SATB1: variants seen among roughly 807,000 people sequenced by gnomAD.
The protein encoded by SATB1 is SATB homeobox 1.
A neutral mutation model predicts 86.9 loss-of-function variants in SATB1; 11 were observed. The ratio of observed to expected loss-of-function variants is 0.13; its 90% CI spans 0.08 to 0.21. The LOEUF (loss-of-function observed/expected upper bound fraction) is 0.21. SATB1 is among the 10% of genes least tolerant of loss of function. The probability of loss-of-function intolerance (pLI) is 1.00; values close to 1 mark genes in which losing one functional copy is unlikely to be tolerated. For missense variants in SATB1, 551 were observed against 937.6 expected (o/e 0.59, Z 5.39); for synonymous variants, 357 against 357.2 (o/e 1.00, Z 0.01).
chr3:18,361,177 C>G (rs1455408661), intron 9 of SATB1, among the ~76,000 whole-genome samples: 3 of 152,120 alleles, frequency 2.0e-5, no homozygotes, highest in South Asian at 2.1e-4. Flanking sequence ...CTTTTAAGAT[C>G]TATTTGTTAA....
chr3:18,422,014 A>G (rs968305180), intron 1 of SATB1, among the ~76,000 whole-genome samples: 3 of 152,158 alleles, frequency 2.0e-5, no homozygotes, highest in Non-Finnish European at 2.9e-5. Context: ...CCCATCATTT[A>G]TAGTAAAGTG....
Position 18,352,401 on chromosome 3 carries a change from G to T in SATB1, c.1576-206C>A. 1.9e-6 allele frequency: 1 copy of T among 539,490 alleles called. No homozygotes were observed. Among genetic ancestry groups the T allele is most frequent in the Admixed American group, 3.1e-5 (1 of 32,276 alleles). 33.4% of individuals were successfully genotyped at this position (539,490 alleles called of 1,614,324 possible). ...AGACTCTGTTTCTAATCAAAGTTCAGATTTGCATCTCAAAGGAGGGACATA... is the reference window on the plus strand; with the variant it reads ...AGACTCTGTTTCTAATCAAAGTTCATATTTGCATCTCAAAGGAGGGACATA... On this transcript the variant is annotated intron_variant, in intron 9 of 10. Coordinates refer to ENST00000338745, the MANE Select transcript of SATB1 (RefSeq NM_002971.6). This position sits in a 1 kb window ranked among gnomAD's most constrained non-coding sequence, Gnocchi z 4.1.
At chr3:18,404,668 G>A (rs1246518205) in intron 5 of SATB1, among the ~76,000 whole-genome samples, 2 of 151,964 alleles carry the variant, frequency 1.3e-5, no homozygotes, top group Non-Finnish European at 2.9e-5. Flanking sequence ...TTGGTTCACA[G>A]TTTATATGGC....
At chr3:18,406,268 C>T (rs1697526470) in intron 5 of SATB1, among the ~76,000 whole-genome samples, 1 of 151,910 alleles carries the variant, frequency 6.6e-6, no homozygotes, top group Non-Finnish European at 1.5e-5. Flanking sequence ...TCTCTTATGC[C>T]AAATGTAGAC....
At chr3:18,364,742 C>A (rs1575094356) in intron 9 of SATB1, among the ~76,000 whole-genome samples, 1 of 151,860 alleles carries the variant, frequency 6.6e-6, no homozygotes, top group African/African-American at 2.4e-5. Context: ...CACACACACA[C>A]ACGTACGTAT....
At chr3:18,399,799 G>T (rs1369799487) in intron 5 of SATB1, among the ~76,000 whole-genome samples, 1 of 152,106 alleles carries the variant, frequency 6.6e-6, no homozygotes, top group Non-Finnish European at 1.5e-5. Flanking sequence ...GCTTTTGGGT[G>T]ACTGGGAAAT....
intron 5 of SATB1, among the ~76,000 whole-genome samples, chr3:18,401,600 C>T (rs1255854827): frequency 3.9e-5 from 6 of 151,988 alleles, no homozygotes; most frequent in East Asian, 3.9e-4. Context: ...ATAAACCAAC[C>T]GACAAAACTC....
rs1490631039 is a variant in SATB1, at chr3:18,403,734, C to T, written c.640-6444G>A. On this transcript the variant is annotated intron_variant, in intron 5 of 10. Transcript: ENST00000338745. ...TAATTTTCAGGGATGGAACACTAAT[C>T]TTGACAGTAACCTTTTTATGTATTG... is the stretch of plus-strand genomic sequence containing the variant. Among the ~76,000 whole-genome samples, 3 of 152,102 alleles carry T rather than the reference C, an allele frequency of 2.0e-5. No homozygotes were observed. In the East Asian group the frequency reaches 5.8e-4, roughly 29 times the overall value.
At chr3:18,397,789 C>G (rs770043465) in intron 5 of SATB1, among the ~76,000 whole-genome samples, 1 of 152,162 alleles carries the variant, frequency 6.6e-6, no homozygotes, top group Admixed American at 6.5e-5. Context: ...CACTTAGCAG[C>G]TGAATTTTAC....
At position 18,444,665 on chromosome 3, in the gene SATB1, G is replaced by T. The variant is rs1395925401; in HGVS notation, c.-25+853C>A. ...CGAGTGCGGGCCTGAAACCAAGAAC[G>T]GCTCCCCGGGCGGGCGCGCCGGCGT... On this transcript the variant is annotated intron_variant, in intron 1 of 3. Transcript: ENST00000415069. The surrounding 1 kb of genome is among the most constrained non-coding windows in gnomAD (Gnocchi z 5.1). The T allele has an allele frequency of 6.1e-6, 6 of 984,082 alleles. No individual in the cohort carries two copies. Among genetic ancestry groups the T allele is most frequent in the South Asian group, 4.7e-5 (1 of 21,254 alleles). 61.0% of individuals were successfully genotyped at this position (984,082 alleles called of 1,614,324 possible). A position where few individuals can be genotyped will look rare whatever the true frequency, so the allele number is the denominator to read the frequency against.
intron 5 of SATB1, among the ~76,000 whole-genome samples, chr3:18,412,735 C>T (rs545020043): frequency 6.6e-6 from 1 of 152,104 alleles, no homozygotes; most frequent in South Asian, 2.1e-4. Context: ...TTTTGTCAAA[C>T]TTGGCATATA....
At chr3:18,411,443 C>T (rs188365335) in intron 5 of SATB1, among the ~76,000 whole-genome samples, 16 of 152,094 alleles carry the variant, frequency 1.1e-4, no homozygotes, top group African/African-American at 3.9e-4. Flanking sequence ...AATGAATCTA[C>T]CCTGTATCAG....
chr3:18,405,232 T>C (rs1296887632), intron 5 of SATB1, among the ~76,000 whole-genome samples: 2 of 152,038 alleles, frequency 1.3e-5, no homozygotes, highest in Admixed American at 6.6e-5. Flanking sequence ...ATTGACAAAA[T>C]TGTTTCCTGA....
upstream of SATB1, among the ~76,000 whole-genome samples, chr3:18,427,332 T>C (rs1037383887): frequency 3.3e-5 from 5 of 152,184 alleles, no homozygotes; most frequent in Non-Finnish European, 7.3e-5. Flanking sequence ...CTCTAGTGCC[T>C]TGTTGTACAA....
chr3:18,445,058 C>T (rs1213329521), intron 1 of SATB1: 15 of 302,312 alleles, frequency 5.0e-5, no homozygotes, highest in African/African-American at 3.5e-4. Context: ...CGCAGCCACC[C>T]GGGACGCGCA....
In SATB1 at chr3:18,444,723, TGCCGCC is replaced by T; in HGVS notation, c.-25+789_-25+794del. Reference sequence around the variant, plus strand: ...CCGAGGCGGCGGCTTCTGCCTCTCCTGCCGCCGCCGCCGCCGCCGGAGCTGCGGCTG... The same window carrying T: ...CCGAGGCGGCGGCTTCTGCCTCTCCTGCCGCCGCCGCCGGAGCTGCGGCTG... On this transcript the variant is annotated intron_variant, in intron 1 of 3. Transcript: ENST00000415069. This position sits in a 1 kb window ranked among gnomAD's most constrained non-coding sequence, Gnocchi z 5.1. The T allele has an allele frequency of 1.1e-6, 1 of 879,114 alleles. No homozygotes were observed. The highest frequency in any genetic ancestry group is 1.4e-6 in the Non-Finnish European group (1 of 734,004). 54.5% of individuals were successfully genotyped at this position (879,114 alleles called of 1,614,324 possible).
chr3:18,410,961 G>T, intron 5 of SATB1: 1 of 394,784 alleles, frequency 2.5e-6, no homozygotes. Context: ...GAGCAGTACT[G>T]AAGCTAAGCT....
chr3:18,358,851 T>C (rs1001974750), intron 9 of SATB1, among the ~76,000 whole-genome samples: 2 of 152,034 alleles, frequency 1.3e-5, no homozygotes, highest in African/African-American at 2.4e-5. Flanking sequence ...AGAGACTCAG[T>C]ATCTTAGCCA....
At chr3:18,390,191 G>T (rs1025976655) in intron 7 of SATB1, among the ~76,000 whole-genome samples, 12 of 152,050 alleles carry the variant, frequency 7.9e-5, no homozygotes, top group African/African-American at 2.9e-4. Context: ...GAACAAAAAG[G>T]CTGTCTGGCC....
Sources: allele counts gnomAD v4.1 joint callset (sites outside exome capture counted in the v4.1 genomes callset), GRCh38; gene constraint gnomAD v4.1.1; non-coding constraint Gnocchi (gnomAD v3.1); transcripts MANE v1.5; gene names NCBI Gene and HGNC (gene_info 2026-07-23, HGNC 2026-07-21).